CNTNAP2: variants seen among roughly 807,000 people sequenced by gnomAD.
The protein encoded by CNTNAP2 is contactin-associated protein-like 2.
A neutral mutation model predicts 155.2 loss-of-function variants in CNTNAP2; 98 were observed. The observed-to-expected ratio is 0.63, with a 90% confidence interval of 0.54 to 0.75. The LOEUF (loss-of-function observed/expected upper bound fraction) is 0.75. Among genes scored for constraint, CNTNAP2 ranks in the 30% least tolerant of loss-of-function variants. The pLI is 0.00. For missense variants in CNTNAP2, 1,727 were observed against 1,688.1 expected (o/e 1.02, Z -0.40); for synonymous variants, 651 against 631.2 (o/e 1.03, Z -0.47).
In CNTNAP2 at chr7:146,330,153, G is replaced by A. The variant is rs187588314; in HGVS notation, c.97+213180G>A. On this transcript the variant is annotated intron_variant, in intron 1 of 23. Coordinates refer to ENST00000361727, the MANE Select transcript of CNTNAP2 (RefSeq NM_014141.6). ...TTCTCCTGCCTCAGCCTCCCAAGTAGCTGGGACTACAGGCATGCACCACCA... is the reference window on the plus strand; with the variant it reads ...TTCTCCTGCCTCAGCCTCCCAAGTAACTGGGACTACAGGCATGCACCACCA... 2.3e-3 allele frequency among the ~76,000 whole-genome samples: 342 copies of A among 151,084 alleles called. 2 individuals are homozygous for A. Among genetic ancestry groups the A allele is most frequent in the African/African-American group, 8.0e-3 (327 of 41,088 alleles).
At chr7:146,576,598 C>T (rs917178468) in intron 1 of CNTNAP2, among the ~76,000 whole-genome samples, 13 of 152,162 alleles carry the variant, frequency 8.5e-5, no homozygotes, top group Non-Finnish European at 1.9e-4. Context: ...TAGGCAGTAA[C>T]TCACCGTTTT....
intron 1 of CNTNAP2, among the ~76,000 whole-genome samples, chr7:146,521,650 T>TTGCGG: frequency 6.6e-6 from 1 of 151,944 alleles, no homozygotes; most frequent in African/African-American, 2.4e-5. Context: ...ACCCCAACTA[T>TTGCGG]CAGACCTTTT....
chr7:146,977,142 CATAAA>C (rs1797928211), intron 3 of CNTNAP2, among the ~76,000 whole-genome samples: 1 of 152,052 alleles, frequency 6.6e-6, no homozygotes, highest in African/African-American at 2.4e-5. Flanking sequence ...ATATAAAAAA[CATAAA>C]ATAATAATGA....
At position 147,168,523 on chromosome 7, in the gene CNTNAP2, T is replaced by A. The variant is rs544566660; in HGVS notation, c.1348+36014T>A. On this transcript the variant is annotated intron_variant, in intron 8 of 23. Transcript: ENST00000361727. ...ATATTCCCATCTGATAAAGGTTAGG[T>A]TTGATTTCACTTTCTTTCTAAAACA... is the stretch of plus-strand genomic sequence containing the variant. Among the ~76,000 whole-genome samples the A allele has an allele frequency of 1.3e-3, 195 of 152,212 alleles. 1 individual carries two copies. Among genetic ancestry groups the A allele is most frequent in the African/African-American group, 4.1e-3 (172 of 41,564 alleles).
At chr7:147,134,117 T>C (rs1308875627) in intron 8 of CNTNAP2, among the ~76,000 whole-genome samples, 1 of 152,030 alleles carries the variant, frequency 6.6e-6, no homozygotes, top group African/African-American at 2.4e-5. Context: ...GCCTGTCTCC[T>C]TGCAGTCTCT....
intron 3 of CNTNAP2, among the ~76,000 whole-genome samples, chr7:147,004,815 G>T (rs763699053): frequency 1.3e-5 from 2 of 151,880 alleles, no homozygotes; most frequent in African/African-American, 2.4e-5. Context: ...CTTCTCCAAG[G>T]CTACCTAGCT....
At chr7:148,165,029 C>T (rs912116307) in intron 17 of CNTNAP2, among the ~76,000 whole-genome samples, 36 of 152,204 alleles carry the variant, frequency 2.4e-4, no homozygotes, top group African/African-American at 8.2e-4. Context: ...TAGATCAGCC[C>T]GAGCCTGATA....
At chr7:148,258,734 T>C (rs977816481) in intron 20 of CNTNAP2, among the ~76,000 whole-genome samples, 4 of 152,092 alleles carry the variant, frequency 2.6e-5, no homozygotes, top group Admixed American at 1.3e-4. Flanking sequence ...AAATAAAACA[T>C]TCATCAGATG....
intron 8 of CNTNAP2, among the ~76,000 whole-genome samples, chr7:147,215,673 A>G (rs996144127): frequency 3.3e-5 from 5 of 152,200 alleles, no homozygotes; most frequent in African/African-American, 1.2e-4. Context: ...TTTATGTGTG[A>G]ACATATGTTT....
chr7:147,347,427 T>TATATATATATATACATATATATATATGC (rs1563169234), intron 9 of CNTNAP2, among the ~76,000 whole-genome samples: 1 of 55,318 alleles, frequency 1.8e-5, no homozygotes, highest in African/African-American at 6.7e-5. Flanking sequence ...AGATTATATA[T>TATATATATATATACATATATATATATGC]ATATATATAT....
chr7:147,127,083 G>C lies in CNTNAP2; in HGVS notation c.940-1610G>C, dbSNP rs190410444. ...TATTACTGTCAGTTGGGGAAAAATT[G>C]TTCAAAAAGATTGTAAACAGGAGAC... On this transcript the variant is annotated intron_variant, in intron 6 of 23. Transcript: ENST00000361727. Among the ~76,000 whole-genome samples, 7 of 152,226 alleles carry C rather than the reference G, an allele frequency of 4.6e-5. No homozygotes were observed. In the East Asian group the frequency reaches 1.4e-3, roughly 29 times the overall value.
At chr7:147,693,367 A>G (rs890804478) in intron 13 of CNTNAP2, among the ~76,000 whole-genome samples, 6 of 152,048 alleles carry the variant, frequency 3.9e-5, no homozygotes, top group African/African-American at 1.2e-4. Context: ...CACTTTGTCA[A>G]CATTCACAAA....
Position 148,413,671 on chromosome 7 carries a change from A to T in CNTNAP2, c.3797-1746A>T, listed in dbSNP as rs547089349. Among the ~76,000 whole-genome samples the T allele has an allele frequency of 3.9e-5, 6 of 151,972 alleles. No homozygotes were observed. The South Asian group carries it at 8.3e-4, about 21-fold the overall frequency. On this transcript the variant is annotated intron_variant, in intron 23 of 23. Coordinates refer to ENST00000361727, the MANE Select transcript of CNTNAP2 (RefSeq NM_014141.6). ...TATCAGTTACTGACAGAACAGTGTTAAAAAATCTCCAACTATAATTGCAAA... is the reference window on the plus strand; with the variant it reads ...TATCAGTTACTGACAGAACAGTGTTTAAAAATCTCCAACTATAATTGCAAA...
chr7:147,722,741 GA>G (rs1796583643), intron 13 of CNTNAP2, among the ~76,000 whole-genome samples: 1 of 152,020 alleles, frequency 6.6e-6, no homozygotes, highest in African/African-American at 2.4e-5. Flanking sequence ...CCAAAGCTCG[GA>G]GCACTATTTG....
chr7:146,719,282 A>G (rs1801244117), intron 1 of CNTNAP2, among the ~76,000 whole-genome samples: 1 of 152,194 alleles, frequency 6.6e-6, no homozygotes, highest in South Asian at 2.1e-4. Flanking sequence ...CCACCAAAAT[A>G]TGAGAGAATA....
intron 1 of CNTNAP2, among the ~76,000 whole-genome samples, chr7:146,602,715 T>C (rs1798970363): frequency 6.6e-6 from 1 of 152,214 alleles, no homozygotes; most frequent in African/African-American, 2.4e-5. Context: ...AATATTATAC[T>C]AAAGTCTATT....
At chr7:146,527,994 T>C (rs948841400) in intron 1 of CNTNAP2, among the ~76,000 whole-genome samples, 16 of 152,140 alleles carry the variant, frequency 1.1e-4, no homozygotes, top group African/African-American at 3.6e-4. Context: ...TAGTCAATGA[T>C]AAAATGTGAA....
chr7:147,357,879 C>G (rs954789637), intron 9 of CNTNAP2, among the ~76,000 whole-genome samples: 2 of 152,000 alleles, frequency 1.3e-5, no homozygotes, highest in Non-Finnish European at 2.9e-5. Context: ...AGATACTTAA[C>G]CAGTTGCCTG....
At chr7:147,586,161 A>C (rs1361713509) in intron 12 of CNTNAP2, among the ~76,000 whole-genome samples, 1 of 152,134 alleles carries the variant, frequency 6.6e-6, no homozygotes, top group East Asian at 1.9e-4. Flanking sequence ...AATCAAGAGA[A>C]AGCAATGTCT....
Sources: allele counts gnomAD v4.1 joint callset (sites outside exome capture counted in the v4.1 genomes callset), GRCh38; gene constraint gnomAD v4.1.1; transcripts MANE v1.5; gene names NCBI Gene and HGNC (gene_info 2026-07-23, HGNC 2026-07-21).